Variants in RNF111 observed in about 807,000 individuals in gnomAD.
The protein encoded by RNF111 is ring finger protein 111.
In RNF111, 17 loss-of-function variants were observed where a neutral mutation model predicts 95.1. The observed-to-expected ratio is 0.18, with a 90% CI of 0.12 to 0.27. The LOEUF (loss-of-function observed/expected upper bound fraction) is 0.27, where lower values mean the gene tolerates loss of function less well. Ranked by LOEUF, RNF111 falls within the 10% of genes least tolerant of loss-of-function variation. The pLI is 1.00. For synonymous variants in RNF111, 440 were observed against 414.8 expected, an observed-to-expected ratio of 1.06 and a Z score of -0.74; for missense variants, 1,189 against 1,210.4, an observed-to-expected ratio of 0.98 and a Z score of 0.26.
At position 59,031,109 on chromosome 15, in the gene RNF111, A is replaced by G; in HGVS notation, c.287A>G (p.Lys96Arg). 6.2e-7 allele frequency: 1 copy of G among 1,614,238 alleles called. No homozygotes were observed. Among genetic ancestry groups the G allele is most frequent in the Non-Finnish European group, 8.5e-7 (1 of 1,180,044 alleles). The change falls in exon 2 of 14, where the codon AAA becomes AGA. Residue 96 changes from lysine to arginine, a missense_variant. Physicochemically the swap from Lys to Arg is conservative, Grantham distance 26. Transcript: ENST00000348370. ...AGTCTCGTTGTGAGGAAAAAACGCAAAAGCCAGCAGGCTGGCCCTTCGTAT... is the reference window on the plus strand; with the variant it reads ...AGTCTCGTTGTGAGGAAAAAACGCAGAAGCCAGCAGGCTGGCCCTTCGTAT... ...EKSLVVRKKR[K>R]SQQAGPSYVQ...
chr15:58,993,592 A>T (rs1385609676), intron 1 of RNF111, among the ~76,000 whole-genome samples: 1 of 152,166 alleles, frequency 6.6e-6, no homozygotes, highest in Non-Finnish European at 1.5e-5. Flanking sequence ...GCTTCTTTTC[A>T]TTTTGATAAA....
chr15:58,991,195 G>C (rs116431118), intron 1 of RNF111, among the ~76,000 whole-genome samples: 2,442 of 152,068 alleles, frequency 0.016, 73 homozygotes, highest in African/African-American at 0.056. Context: ...GGCTGCTCAA[G>C]AGGGTAAGGC....
intron 1 of RNF111, among the ~76,000 whole-genome samples, chr15:59,028,087 A>G (rs2040714687): frequency 6.6e-6 from 1 of 152,034 alleles, no homozygotes; most frequent in African/African-American, 2.4e-5. Context: ...TCGGCCTCCC[A>G]AAGTGTAGGG....
rs1566947705 is a variant in RNF111, at chr15:59,091,153, A to G, written c.2738A>G (p.Lys913Arg). 1 of 1,562,590 alleles carries G rather than the reference A, an allele frequency of 6.4e-7. No individual in the cohort carries two copies. The highest frequency in any genetic ancestry group is 1.4e-5 in the African/African-American group (1 of 73,980). Residue 913 changes from lysine (K) to arginine (R), a missense_variant and splice_region_variant, in exon 12 of 14, where the codon AAG (lysine) becomes AGG (arginine). Physicochemically the swap from Lys to Arg is conservative, Grantham distance 26. Around this residue, in one of 2 missense-constraint regions of RNF111, gnomAD observed 165 missense variants for 284.6 expected, o/e 0.58. Transcript: ENST00000348370. ...TGTACATATCCACATAAATACAAAA[A>G]GGTAAGAATTTATTCTATGAAACTT... The part of the protein sequence containing the change: ...ERCTYPHKYK[K>R]RKLHCKQDGE...
intron 6 of RNF111, among the ~76,000 whole-genome samples, chr15:59,067,882 T>C (rs2042736084): frequency 6.6e-6 from 1 of 152,172 alleles, no homozygotes; most frequent in African/African-American, 2.4e-5. Context: ...CTGTAGCATG[T>C]TTTCTCAGGG....
intron 2 of RNF111, among the ~76,000 whole-genome samples, chr15:59,051,821 A>G (rs1596209198): frequency 6.6e-6 from 1 of 152,086 alleles, no homozygotes; most frequent in East Asian, 1.9e-4. Flanking sequence ...AAATAAACAA[A>G]TGACAAATTT....
intron 7 of RNF111, among the ~76,000 whole-genome samples, chr15:59,076,957 C>A (rs1480773389): frequency 6.6e-6 from 1 of 152,112 alleles, no homozygotes; most frequent in African/African-American, 2.4e-5. Flanking sequence ...TACATATCTT[C>A]TTGGATTTTT....
At chr15:59,089,827 A>G in intron 11 of RNF111, 68 bp downstream of exon 11, 1 of 1,052,250 alleles carries the variant, frequency 9.5e-7, no homozygotes, top group Non-Finnish European at 1.5e-6. Flanking sequence ...TATATATACT[A>G]CTATACACAA....
rs1488247133 is a variant in RNF111 at position 59,052,359 on chromosome 15, C to T, written c.935C>T (p.Thr312Ile). The stretch of plus-strand genomic sequence containing the variant: ...GAAGCTTCCTCCACTCCCCAGGTTA[C>T]TGCCAATGAAGAAATTAATGTTACC... ...VIEASSTPQV[T>I]ANEEINVTST... Residue 312 changes from threonine (T) to isoleucine (I), a missense_variant, in exon 3 of 14, where the codon ACT becomes ATT. Around this residue, in one of 2 missense-constraint regions of RNF111, gnomAD observed 1,024 missense variants for 925.9 expected, o/e 1.11. Coordinates refer to ENST00000348370, the MANE Select transcript of RNF111 (RefSeq NM_017610.8). 3 of 1,607,020 alleles carry T rather than the reference C, an allele frequency of 1.9e-6. No individual in the cohort carries two copies. Among genetic ancestry groups the T allele is most frequent in the African/African-American group, 1.3e-5 (1 of 74,722 alleles).
At chr15:58,990,207 A>G (rs1476022526) in intron 1 of RNF111, among the ~76,000 whole-genome samples, 1 of 152,216 alleles carries the variant, frequency 6.6e-6, no homozygotes, top group African/African-American at 2.4e-5. Flanking sequence ...ATTGTAGAAT[A>G]GATAACTTTC....
chr15:59,080,148 T>C (rs1485005310), intron 7 of RNF111, among the ~76,000 whole-genome samples: 1 of 123,762 alleles, frequency 8.1e-6, no homozygotes, highest in Non-Finnish European at 1.6e-5. Context: ...TGAGGTGGAG[T>C]CTCACTCTGT....
At chr15:59,008,073 C>A (rs1205017458) in intron 1 of RNF111, among the ~76,000 whole-genome samples, 10 of 152,108 alleles carry the variant, frequency 6.6e-5, no homozygotes, top group Non-Finnish European at 1.5e-4. Context: ...AATCTTTGCC[C>A]ATGATATAAT....
chr15:59,049,045 C>T (rs1446217332), intron 2 of RNF111, among the ~76,000 whole-genome samples: 2 of 151,992 alleles, frequency 1.3e-5, no homozygotes, highest in South Asian at 2.1e-4. Context: ...ACGGCATGAG[C>T]GTGATTGTGC....
intron 1 of RNF111, among the ~76,000 whole-genome samples, chr15:59,008,709 C>T (rs1265246232): frequency 6.6e-6 from 1 of 152,084 alleles, no homozygotes; most frequent in Non-Finnish European, 1.5e-5. Context: ...CCACCTGTCC[C>T]TTTTCTCTTT....
chr15:59,076,241 A>C, intron 7 of RNF111, 26 bp downstream of exon 7: 1 of 1,598,244 alleles, frequency 6.3e-7, no homozygotes, highest in Non-Finnish European at 8.5e-7. Flanking sequence ...GTGGACACAA[A>C]ATCTAGAGTC....
At chr15:59,020,271 A>T (rs139363948) in intron 1 of RNF111, among the ~76,000 whole-genome samples, 80 of 150,690 alleles carry the variant, frequency 5.3e-4, no homozygotes, top group Middle Eastern at 3.5e-3. Flanking sequence ...TATGCATTAT[A>T]TATAGTAAAT....
At chr15:59,055,003 T>C (rs1271927325) in intron 3 of RNF111, among the ~76,000 whole-genome samples, 1 of 152,222 alleles carries the variant, frequency 6.6e-6, no homozygotes, top group Non-Finnish European at 1.5e-5. Flanking sequence ...CTTCAAAGTA[T>C]ATACACCTGT....
At chr15:59,047,984 A>G (rs1158470719) in intron 2 of RNF111, among the ~76,000 whole-genome samples, 1 of 152,248 alleles carries the variant, frequency 6.6e-6, no homozygotes, top group Non-Finnish European at 1.5e-5. Flanking sequence ...GATGTGGAGA[A>G]CCTGAAACCT....
rs762370942 is a variant in RNF111, at chr15:59,066,881, A to G, written c.1484A>G (p.His495Arg). 3 of 1,614,068 alleles carry G rather than the reference A, an allele frequency of 1.9e-6. No homozygotes were observed. The highest frequency in any genetic ancestry group is 1.1e-5 in the South Asian group (1 of 91,076). Residue 495 changes from histidine (H) to arginine (R), a missense_variant, in exon 6 of 14, where the codon CAT (histidine) becomes CGT (arginine). By Grantham distance (29) the His-to-Arg change is conservative. Around this residue, in one of 2 missense-constraint regions of RNF111, gnomAD observed 1,024 missense variants for 925.9 expected, o/e 1.11. Coordinates refer to ENST00000348370, the MANE Select transcript of RNF111 (RefSeq NM_017610.8). ...SPCGGSSQNH[H>R]ALGHPHTSCF... is the part of the protein sequence containing the mutation. ...TGTGGAGGGTCGTCACAGAACCACCATGCATTAGGACATCCTCATACAAGT... is the reference window on the plus strand; with the variant it reads ...TGTGGAGGGTCGTCACAGAACCACCGTGCATTAGGACATCCTCATACAAGT...
Sources: gnomAD v4.1 joint callset for allele counts (sites outside exome capture counted in the v4.1 genomes callset) on GRCh38, gnomAD v4.1.1 for gene constraint, gnomAD v4.1.1 regional missense constraint, MANE v1.5 for transcripts, NCBI Gene and HGNC (gene_info 2026-07-23, HGNC 2026-07-21) for gene names.